Variants in ZMYM2 observed in about 807,000 individuals in gnomAD.
ZMYM2 encodes zinc finger MYM-type containing 2.
In ZMYM2, 56 loss-of-function variants were observed where a neutral mutation model predicts 162.8. The observed-to-expected ratio is 0.34, with a 90% confidence interval of 0.28 to 0.43. ZMYM2 has a LOEUF of 0.43. Ranked by LOEUF, ZMYM2 falls within the 20% of genes least tolerant of loss-of-function variation. The pLI is 1.00. For synonymous variants in ZMYM2, 510 were observed against 541.6 expected (o/e 0.94, Z 0.81); for missense variants, 1,275 against 1,621.8 (o/e 0.79, Z 3.67).
chr13:19,917,137 T>A, the ZMYM2 span, among the ~76,000 whole-genome samples: 2 of 151,994 alleles, frequency 1.3e-5, no homozygotes, highest in South Asian at 4.2e-4. Context: ...TAATTTTTTG[T>A]ATTTTTAGTA....
At chr13:19,911,186 A>G in the ZMYM2 span, among the ~76,000 whole-genome samples, 1 of 151,592 alleles carries the variant, frequency 6.6e-6, no homozygotes, top group Non-Finnish European at 1.5e-5. Flanking sequence ...CCTCCCAAGT[A>G]GCTGAAAATA....
Position 19,993,922 on chromosome 13 carries a change from A to G in ZMYM2, c.847+3A>G, listed in dbSNP as rs1949819901. The G allele has an allele frequency of 1.9e-6, 3 of 1,606,092 alleles. No homozygotes were observed. The highest frequency in any genetic ancestry group is 2.5e-6 in the Non-Finnish European group (3 of 1,177,094). ...ATCTGCAACTCATCATAATCCTGGT[A>G]AGCAGTAAGAGATACTCTACTTCAT... On this transcript the variant is annotated splice_donor_region_variant and intron_variant, in intron 3 of 24. Transcript: ENST00000610343.
At chr13:20,000,200 G>C (rs1002791368) in intron 3 of ZMYM2, among the ~76,000 whole-genome samples, 1 of 152,168 alleles carries the variant, frequency 6.6e-6, no homozygotes, top group Non-Finnish European at 1.5e-5. Context: ...TCCAGAGTTA[G>C]GCGCTAACTC....
chr13:20,088,829 C>T lies in ZMYM2; in HGVS notation c.*2815C>T, dbSNP rs1190704951. ...TTGGGAATGGGGTAACTTCTTTATG[C>T]ATAGTATTAAGGGTTATAGTATGAA... is the stretch of plus-strand genomic sequence containing the variant. On this transcript the variant is annotated 3_prime_UTR_variant, in exon 25 of 25. Transcript: ENST00000610343. 1.1e-4 allele frequency: 21 copies of T among 194,058 alleles called. No individual in the cohort carries two copies. In the Admixed American group the frequency reaches 1.2e-3, roughly 11 times the overall value. 12.0% of individuals were successfully genotyped at this position (194,058 alleles called of 1,614,324 possible). A position where few individuals can be genotyped will look rare whatever the true frequency, so the allele number is the denominator to read the frequency against.
intron 12 of ZMYM2, among the ~76,000 whole-genome samples, chr13:20,037,414 C>T (rs565751324): frequency 4.0e-5 from 6 of 151,878 alleles, no homozygotes; most frequent in Admixed American, 3.9e-4. Context: ...CAGGGTTTCA[C>T]CGTGTTGGCC....
chr13:20,079,331 AAAAAAAAAAAAAG>A (rs1365193277), intron 21 of ZMYM2, among the ~76,000 whole-genome samples: 5 of 142,648 alleles, frequency 3.5e-5, no homozygotes, highest in Admixed American at 7.3e-5. Context: ...AAAAAAAAAA[AAAAAAAAAAAAAG>A]GATACTTAAT....
At chr13:19,979,686 C>G (rs948464328) in intron 2 of ZMYM2, among the ~76,000 whole-genome samples, 2 of 152,168 alleles carry the variant, frequency 1.3e-5, no homozygotes, top group Non-Finnish European at 1.5e-5. Context: ...GGTAAAAGTT[C>G]CTATCAGCCC....
chr13:19,960,994 A>G (rs1161202228), intron 2 of ZMYM2, among the ~76,000 whole-genome samples: 4 of 152,218 alleles, frequency 2.6e-5, no homozygotes, highest in Non-Finnish European at 2.9e-5. Flanking sequence ...AGTAACTTAC[A>G]TTAAATATAC....
At chr13:19,957,596 C>G (rs1461427054), upstream of ZMYM2, among the ~76,000 whole-genome samples, 1 of 152,250 alleles carries the variant, frequency 6.6e-6, no homozygotes, top group Non-Finnish European at 1.5e-5. Flanking sequence ...CTCCGCTCCC[C>G]CCGGCGGCCG....
chr13:19,945,951 G>A, the ZMYM2 span, among the ~76,000 whole-genome samples: 159 of 89,504 alleles, frequency 1.8e-3, no homozygotes, highest in African/African-American at 4.1e-3. Context: ...CTCCGTCTCA[G>A]AAAAAAAAAA....
intron 2 of ZMYM2, among the ~76,000 whole-genome samples, chr13:19,987,215 A>T (rs1049421465): frequency 5.3e-5 from 8 of 151,778 alleles, no homozygotes; most frequent in African/African-American, 1.9e-4. Context: ...ATTCACAGCT[A>T]TTAAGCAAAA....
intron 6 of ZMYM2, among the ~76,000 whole-genome samples, chr13:20,016,342 T>C (rs549773566): frequency 2.0e-5 from 3 of 152,278 alleles, no homozygotes; most frequent in East Asian, 1.9e-4. Context: ...CCCAGTAATA[T>C]AGATTTACAA....
At chr13:20,078,638 C>G (rs933405458) in intron 21 of ZMYM2, among the ~76,000 whole-genome samples, 2 of 152,066 alleles carry the variant, frequency 1.3e-5, no homozygotes, top group Admixed American at 1.3e-4. Context: ...CTGCTTTGCC[C>G]TACAAAGCAT....
chr13:20,020,275 C>T (rs1347227737), intron 7 of ZMYM2, among the ~76,000 whole-genome samples: 1 of 146,774 alleles, frequency 6.8e-6, no homozygotes, highest in African/African-American at 2.5e-5. Context: ...GCTCTTGTTG[C>T]CCAGGCTGGA....
rs748814883 is a variant in ZMYM2 at position 20,003,011 on chromosome 13, C to A, written c.1009C>A (p.Pro337Thr). ...VKVTCANCKK[P>T]LQKGQTAYQR... The stretch of plus-strand genomic sequence containing the variant: ...AGTCACTTGTGCAAACTGCAAAAAA[C>A]CTTTACAGAAGGGCCAGACAGCTTA... The change falls in exon 4 of 25, where the codon CCT (proline) becomes ACT (threonine). Residue 337 changes from proline to threonine, a missense_variant. This residue lies in a region of ZMYM2 where 115 missense variants were observed against 175.3 expected (regional missense o/e 0.66). Transcript: ENST00000610343. The A allele has an allele frequency of 1.2e-6, 2 of 1,614,048 alleles. No homozygotes were observed. Among genetic ancestry groups the A allele is most frequent in the African/African-American group, 1.3e-5 (1 of 74,922 alleles).
In ZMYM2 at chr13:20,003,141, G is replaced by C. The variant is rs953754467; in HGVS notation, c.1133+6G>C. On this transcript the variant is annotated splice_donor_region_variant and intron_variant, in intron 4 of 24. Coordinates refer to ENST00000610343, the MANE Select transcript of ZMYM2 (RefSeq NM_197968.4). ...CTCTGTGTTATGTGTAAAAAGTAAGGTTTACCTTTCAACATAATTACATAT... is the reference window on the plus strand; with the variant it reads ...CTCTGTGTTATGTGTAAAAAGTAAGCTTTACCTTTCAACATAATTACATAT... 1 of 1,609,200 alleles carries C rather than the reference G, an allele frequency of 6.2e-7. No individual in the cohort carries two copies. Among genetic ancestry groups the C allele is most frequent in the African/African-American group, 1.3e-5 (1 of 74,592 alleles).
chr13:19,880,677 C>T, the ZMYM2 span, among the ~76,000 whole-genome samples: 1 of 152,066 alleles, frequency 6.6e-6, no homozygotes, highest in South Asian at 2.1e-4. Flanking sequence ...GATCCACCCG[C>T]CTTGGACTCC....
the ZMYM2 span, among the ~76,000 whole-genome samples, chr13:19,935,619 A>G: frequency 6.6e-6 from 1 of 152,022 alleles, no homozygotes; most frequent in Non-Finnish European, 1.5e-5. Context: ...GGTCTGAGGT[A>G]GAATCTCAGT....
In ZMYM2 at chr13:20,066,826, T is replaced by C. The variant is rs572445444; in HGVS notation, c.3133-25T>C. On this transcript the variant is annotated intron_variant, in intron 19 of 24. Coordinates refer to ENST00000610343, the MANE Select transcript of ZMYM2 (RefSeq NM_197968.4). ...AATAATGTAGGCTTTAAAAAAGATA[T>C]TATTATGGTGTTTTTTACTAATAGG... The C allele has an allele frequency of 1.5e-4, 236 of 1,522,804 alleles. No individual in the cohort carries two copies. In the Admixed American group the frequency reaches 2.7e-3, roughly 17 times the overall value. The allele number at this position is 1,522,804 out of a possible 1,614,324, so 94.3% of individuals were successfully genotyped here. A position where few individuals can be genotyped will look rare whatever the true frequency, so the allele number is the denominator to read the frequency against.
Sources: gnomAD v4.1 joint callset for allele counts (sites outside exome capture counted in the v4.1 genomes callset) on GRCh38, gnomAD v4.1.1 for gene constraint, gnomAD v4.1.1 regional missense constraint, MANE v1.5 for transcripts, NCBI Gene and HGNC (gene_info 2026-07-23, HGNC 2026-07-21) for gene names.